The following AHI1 variants were observed in gnomAD, a reference collection of about 807,000 sequenced individuals.
AHI1 encodes Abelson helper integration site 1.
A neutral mutation model predicts 149.3 loss-of-function variants in AHI1; 123 were observed. The ratio of observed to expected loss-of-function variants is 0.82; its 90% CI spans 0.71 to 0.96. The LOEUF (loss-of-function observed/expected upper bound fraction) is 0.96, where lower values mean the gene tolerates loss of function less well. Ranked by LOEUF, AHI1 falls within the 40% of genes least tolerant of loss-of-function variation. AHI1 has a pLI of 0.00. For missense variants in AHI1, 1,439 were observed against 1,422.7 expected, an observed-to-expected ratio of 1.01 and a Z score of -0.18; for synonymous variants, 475 against 459.8, an observed-to-expected ratio of 1.03 and a Z score of -0.42.
At chr6:135,444,328 C>T (rs975746666) in intron 13 of AHI1, among the ~76,000 whole-genome samples, 1 of 152,180 alleles carries the variant, frequency 6.6e-6, no homozygotes, top group Non-Finnish European at 1.5e-5. Context: ...TTCCTCACAT[C>T]CCTCACAATC....
chr6:135,310,483 A>T (rs951034170), intron 26 of AHI1, among the ~76,000 whole-genome samples: 25 of 152,220 alleles, frequency 1.6e-4, no homozygotes, highest in African/African-American at 5.3e-4. Context: ...TGAACTAGGC[A>T]AGAAAGCAGC....
chr6:135,380,849 A>AT (rs1776666821), intron 23 of AHI1, among the ~76,000 whole-genome samples: 1 of 150,256 alleles, frequency 6.7e-6, no homozygotes, highest in African/African-American at 2.4e-5. Context: ...GTGTGAACCC[A>AT]TTTTTTCCAG....
chr6:135,285,986 CA>C (rs1781638685), intron 28 of AHI1, among the ~76,000 whole-genome samples: 1 of 152,142 alleles, frequency 6.6e-6, no homozygotes, highest in Non-Finnish European at 1.5e-5. Flanking sequence ...AGCAGGCAAT[CA>C]GAGTATATGA....
intron 24 of AHI1, among the ~76,000 whole-genome samples, chr6:135,326,802 C>G (rs939304606): frequency 3.9e-5 from 6 of 152,262 alleles, no homozygotes; most frequent in African/African-American, 1.2e-4. Context: ...TCAGGTGATC[C>G]GCCTGCCTTG....
intron 19 of AHI1, among the ~76,000 whole-genome samples, chr6:135,427,866 T>C (rs1296529690): frequency 6.6e-6 from 1 of 151,440 alleles, no homozygotes; most frequent in Non-Finnish European, 1.5e-5. Flanking sequence ...GCAAAGAATC[T>C]AGATTCATTT....
chr6:135,345,090 C>T (rs1790992176), intron 24 of AHI1, among the ~76,000 whole-genome samples: 2 of 152,132 alleles, frequency 1.3e-5, no homozygotes, highest in East Asian at 3.8e-4. Flanking sequence ...TCAGAAGATG[C>T]TCACATTATC....
chr6:135,473,705 C>G (rs530352891), intron 5 of AHI1, among the ~76,000 whole-genome samples: 2 of 152,044 alleles, frequency 1.3e-5, no homozygotes, highest in Non-Finnish European at 2.9e-5. Flanking sequence ...GTGTACAGCT[C>G]TTGCACATTT....
chr6:135,422,964 T>C (rs984012628), intron 20 of AHI1, among the ~76,000 whole-genome samples: 1 of 152,264 alleles, frequency 6.6e-6, no homozygotes, highest in African/African-American at 2.4e-5. Context: ...ACTAAATAAG[T>C]GCCTAAGACA....
chr6:135,442,498 T>C (rs957812697), intron 14 of AHI1, 84 bp downstream of exon 14: 1 of 1,406,706 alleles, frequency 7.1e-7, no homozygotes, highest in African/African-American at 1.4e-5. Flanking sequence ...TTACTCAAGT[T>C]AAGATTTCCA....
chr6:135,361,047 C>T (rs1349446737), intron 23 of AHI1, among the ~76,000 whole-genome samples: 1 of 152,108 alleles, frequency 6.6e-6, no homozygotes, highest in Non-Finnish European at 1.5e-5. Context: ...TATTCTTTTG[C>T]AATAGTCAAA....
intron 8 of AHI1, among the ~76,000 whole-genome samples, 195 bp downstream of exon 8, chr6:135,462,930 G>C (rs532356713): frequency 3.3e-5 from 5 of 151,720 alleles, no homozygotes; most frequent in Non-Finnish European, 7.4e-5. Flanking sequence ...GAAGACTCAA[G>C]TGATACAAAC....
At chr6:135,431,455 C>A in intron 16 of AHI1, 141 bp from the exon 17 acceptor site, 1 of 468,932 alleles carries the variant, frequency 2.1e-6, no homozygotes, top group Non-Finnish European at 3.7e-6. Flanking sequence ...TTTAAAAAAG[C>A]CAAAAATCAA....
chr6:135,365,028 C>T (rs562969710), intron 23 of AHI1, among the ~76,000 whole-genome samples: 1 of 152,336 alleles, frequency 6.6e-6, no homozygotes, highest in African/African-American at 2.4e-5. Flanking sequence ...CAGTTTCATT[C>T]TTCTACATGT....
At chr6:135,437,605 C>A (rs576205648) in intron 15 of AHI1, among the ~76,000 whole-genome samples, 2 of 152,066 alleles carry the variant, frequency 1.3e-5, no homozygotes, top group East Asian at 1.9e-4. Context: ...AAAAGTAACA[C>A]GAAGTGTTAA....
intron 19 of AHI1, among the ~76,000 whole-genome samples, chr6:135,427,825 G>C (rs1246854699): frequency 5.9e-5 from 9 of 151,278 alleles, no homozygotes; most frequent in African/African-American, 2.2e-4. Flanking sequence ...GAGATCTGTG[G>C]AATCCAGGAA....
chr6:135,348,456 C>G (rs1231585934), intron 24 of AHI1, among the ~76,000 whole-genome samples: 2 of 152,026 alleles, frequency 1.3e-5, no homozygotes, highest in Non-Finnish European at 2.9e-5. Context: ...TAAGTAACCA[C>G]TATATCTTAT....
At chr6:135,475,715 C>T (rs1792498337) in intron 5 of AHI1, among the ~76,000 whole-genome samples, 1 of 152,166 alleles carries the variant, frequency 6.6e-6, no homozygotes, top group Non-Finnish European at 1.5e-5. Flanking sequence ...TGCAACTCTA[C>T]TGGGGGGTGT....
At position 135,490,714 on chromosome 6, in the gene AHI1, C is replaced by A. The variant is rs760220297; in HGVS notation, c.44G>T (p.Arg15Leu). Residue 15 changes from arginine to leucine, a missense_variant, in exon 5 of 29, where the codon CGC becomes CTC. Transcript: ENST00000265602. ...GTGGGTCTTAAGCAATTCTTCAAAG[C>A]GAACTTTGGTTTTTACTTTTGCTTC... ...ESEAKVKTKV[R>L]FEELLKTHSD... 1.8e-5 allele frequency: 29 copies of A among 1,612,690 alleles called. No homozygotes were observed. The highest frequency in any genetic ancestry group is 8.9e-5 in the East Asian group (4 of 44,808).
At chr6:135,484,474 GGTTTT>G (rs1192281397) in intron 5 of AHI1, among the ~76,000 whole-genome samples, 1 of 151,682 alleles carries the variant, frequency 6.6e-6, no homozygotes, top group African/African-American at 2.4e-5. Context: ...TCTTGTATCT[GGTTTT>G]ATTTTTTCAT....
Sources: allele counts gnomAD v4.1 joint callset (sites outside exome capture counted in the v4.1 genomes callset), GRCh38; gene constraint gnomAD v4.1.1; transcripts MANE v1.5; gene names NCBI Gene and HGNC (gene_info 2026-07-23, HGNC 2026-07-21).